Variants in SH3PXD2A observed in about 807,000 individuals in gnomAD.
The protein encoded by SH3PXD2A is SH3 and PX domain-containing protein 2A.
Under a neutral mutation model 115.2 loss-of-function variants are expected in SH3PXD2A, and 32 were observed. The ratio of observed to expected loss-of-function variants is 0.28; its 90% CI spans 0.21 to 0.37. The LOEUF (loss-of-function observed/expected upper bound fraction) is 0.37, where lower values mean the gene tolerates loss of function less well. Among genes scored for constraint, SH3PXD2A ranks in the 10% least tolerant of loss-of-function variants. The pLI, the probability that SH3PXD2A is intolerant of heterozygous loss-of-function variation, is 1.00. For synonymous variants in SH3PXD2A, 610 were observed against 629.1 expected (o/e 0.97, Z 0.45); for missense variants, 1,328 against 1,498.7 (o/e 0.89, Z 1.88).
At chr10:103,608,125 G>A (rs1424563700) in intron 13 of SH3PXD2A, among the ~76,000 whole-genome samples, 6 of 29,298 alleles carry the variant, frequency 2.0e-4, no homozygotes, top group Non-Finnish European at 2.8e-4. Flanking sequence ...CCCCCTCTGC[G>A]AGAAACACCC....
At chr10:103,617,973 G>A (rs1564845521) in intron 10 of SH3PXD2A, among the ~76,000 whole-genome samples, 1 of 152,180 alleles carries the variant, frequency 6.6e-6, no homozygotes, top group South Asian at 2.1e-4. Flanking sequence ...TTAAGACAAG[G>A]GTTCGATGGC....
chr10:103,718,143 C>T (rs2038129471), intron 5 of SH3PXD2A, among the ~76,000 whole-genome samples: 1 of 151,900 alleles, frequency 6.6e-6, no homozygotes, highest in Non-Finnish European at 1.5e-5. Context: ...GTAGCGGGGA[C>T]CACAGGCGTG....
Position 103,830,023 on chromosome 10 carries a change from G to A in SH3PXD2A, c.72+25172C>T, listed in dbSNP as rs534071547. Among the ~76,000 whole-genome samples the A allele has an allele frequency of 2.6e-5, 4 of 152,324 alleles. No individual in the cohort carries two copies. In the East Asian group the frequency reaches 7.7e-4, roughly 29 times the overall value. On this transcript the variant is annotated intron_variant, in intron 1 of 14. Transcript: ENST00000369774. ...CCACCCCCACCCCAGGTAGACTCAG[G>A]TGAAGCAATACCTCTCAGGGGCCAT...
intron 5 of SH3PXD2A, among the ~76,000 whole-genome samples, chr10:103,709,984 A>G (rs1235192272): frequency 6.6e-6 from 1 of 151,926 alleles, no homozygotes; most frequent in Non-Finnish European, 1.5e-5. Flanking sequence ...AATCCCAGCT[A>G]CTTGGGAGGC....
chr10:103,824,090 G>A (rs1250982982), intron 1 of SH3PXD2A, among the ~76,000 whole-genome samples: 1 of 152,178 alleles, frequency 6.6e-6, no homozygotes, highest in Non-Finnish European at 1.5e-5. Context: ...TCTGAGGAAT[G>A]TGCCTGACCT....
intron 10 of SH3PXD2A, 138 bp from the exon 11 acceptor site, chr10:103,617,452 A>C: frequency 1.6e-6 from 1 of 641,296 alleles, no homozygotes; most frequent in Non-Finnish European, 2.8e-6. Flanking sequence ...TGGCTTCTCC[A>C]GGGGAGGGAA....
At chr10:103,804,314 C>CTTTTTTTTTTTTTTTTTTTTTTTTTT (rs58737094) in intron 1 of SH3PXD2A, among the ~76,000 whole-genome samples, 1 of 59,672 alleles carries the variant, frequency 1.7e-5, no homozygotes, top group African/African-American at 6.5e-5. Flanking sequence ...TTGACATCAT[C>CTTTTTTTTTTTTTTTTTTTTTTTTTT]TTTTTTTTTT....
At chr10:103,674,505 G>A (rs1275420267) in intron 6 of SH3PXD2A, among the ~76,000 whole-genome samples, 2 of 152,176 alleles carry the variant, frequency 1.3e-5, no homozygotes, top group Non-Finnish European at 2.9e-5. Flanking sequence ...TGGCCAATTC[G>A]TAATTCTTTA....
rs887298942 is a variant in SH3PXD2A at position 103,746,493 on chromosome 10, G to T, written c.230-10685C>A. On this transcript the variant is annotated intron_variant, in intron 3 of 14. Coordinates refer to ENST00000369774, the MANE Select transcript of SH3PXD2A (RefSeq NM_001394015.1). This position sits in a 1 kb window ranked among gnomAD's most constrained non-coding sequence, Gnocchi z 4.4. ...CGCCACCACACCAGGCTAATTTTTT[G>T]TATTTTTTTGTAGAAACTGGGTTTC... Among the ~76,000 whole-genome samples the T allele has an allele frequency of 2.6e-5, 4 of 151,926 alleles. No individual in the cohort carries two copies. Among genetic ancestry groups the T allele is most frequent in the Non-Finnish European group, 5.9e-5 (4 of 67,984 alleles).
chr10:103,628,447 A>G (rs1160103325), intron 8 of SH3PXD2A, among the ~76,000 whole-genome samples: 1 of 151,172 alleles, frequency 6.6e-6, no homozygotes, highest in Non-Finnish European at 1.5e-5. Context: ...GTCCAGGCCT[A>G]TGTGGCTCAG....
At chr10:103,789,480 A>G (rs2039013649) in intron 2 of SH3PXD2A, among the ~76,000 whole-genome samples, 1 of 152,054 alleles carries the variant, frequency 6.6e-6, no homozygotes, top group Admixed American at 6.5e-5. Context: ...TCCCTCCAGC[A>G]GGAAGAGAGT....
chr10:103,823,093 T>C (rs2039397455), intron 1 of SH3PXD2A, among the ~76,000 whole-genome samples: 1 of 152,208 alleles, frequency 6.6e-6, no homozygotes, highest in Non-Finnish European at 1.5e-5. Flanking sequence ...GAATTTATCT[T>C]GGGGAATAAA....
intron 8 of SH3PXD2A, among the ~76,000 whole-genome samples, chr10:103,650,070 A>G (rs1425006785): frequency 6.6e-6 from 1 of 152,194 alleles, no homozygotes; most frequent in Non-Finnish European, 1.5e-5. Flanking sequence ...AGTTAGAAAA[A>G]CAGGCTCTTT....
At chr10:103,702,887 C>G (rs1347816012) in intron 5 of SH3PXD2A, among the ~76,000 whole-genome samples, 2 of 152,044 alleles carry the variant, frequency 1.3e-5, no homozygotes, top group Admixed American at 6.6e-5. Context: ...CTTTGCCCCT[C>G]AAGCTACACT....
intron 8 of SH3PXD2A, among the ~76,000 whole-genome samples, chr10:103,628,073 G>A (rs1013355714): frequency 2.0e-5 from 3 of 152,210 alleles, no homozygotes; most frequent in East Asian, 1.9e-4. Flanking sequence ...GCAAGTGGCC[G>A]CCCAAGGATC....
In SH3PXD2A at chr10:103,754,436, G is replaced by A. The variant is rs114608015; in HGVS notation, c.229+12658C>T. 307 of 152,248 alleles carry A rather than the reference G, an allele frequency of 2.0e-3. 4 individuals carry two copies. Among genetic ancestry groups the A allele is most frequent in the African/African-American group, 6.9e-3 (286 of 41,534 alleles). 9.4% of individuals were successfully genotyped at this position (152,248 alleles called of 1,614,324 possible). ...CAAGAGCCTGTTTTCCATCCTAACA[G>A]TACGACGTAACTCCAGACATAGGCT... On this transcript the variant is annotated intron_variant, in intron 3 of 14. Coordinates refer to ENST00000369774, the MANE Select transcript of SH3PXD2A (RefSeq NM_001394015.1).
rs371026567 is a variant in SH3PXD2A, at chr10:103,756,407, G to A, written c.229+10687C>T. Among the ~76,000 whole-genome samples, 31 of 152,170 alleles carry A rather than the reference G, an allele frequency of 2.0e-4. No homozygotes were observed. In the South Asian group the frequency reaches 6.2e-3, roughly 31 times the overall value. The stretch of plus-strand genomic sequence containing the variant: ...CCTCACCTCCTAAGAAGTTGTTGGG[G>A]GCCGGAGCTCCTTCTCAATGCGCCT... On this transcript the variant is annotated intron_variant, in intron 3 of 14. Transcript: ENST00000369774. The surrounding 1 kb of genome is among the most constrained non-coding windows in gnomAD (Gnocchi z 4.4).
chr10:103,651,626 A>G (rs2037124685), intron 8 of SH3PXD2A, among the ~76,000 whole-genome samples: 1 of 152,224 alleles, frequency 6.6e-6, no homozygotes. Context: ...CTGGGCTTCA[A>G]CTTCCTCCTT....
intron 3 of SH3PXD2A, among the ~76,000 whole-genome samples, chr10:103,763,263 A>G (rs1386665225): frequency 6.6e-6 from 1 of 152,190 alleles, no homozygotes; most frequent in Non-Finnish European, 1.5e-5. Context: ...CTGCAGCCAC[A>G]TGGGCCAAAG....
Sources: allele counts gnomAD v4.1 joint callset (sites outside exome capture counted in the v4.1 genomes callset), GRCh38; gene constraint gnomAD v4.1.1; non-coding constraint Gnocchi (gnomAD v3.1); transcripts MANE v1.5; gene names NCBI Gene and HGNC (gene_info 2026-07-23, HGNC 2026-07-21).